Variants in PCDH15 observed in about 807,000 individuals in gnomAD.
The protein encoded by PCDH15 is protocadherin related 15.
A neutral mutation model predicts 178.5 loss-of-function variants in PCDH15; 129 were observed. That is an observed-to-expected ratio of 0.72 (90% CI 0.63 to 0.84). The LOEUF (loss-of-function observed/expected upper bound fraction) is 0.84. PCDH15 is among the 40% of genes least tolerant of loss of function. The pLI is 0.00. For synonymous variants in PCDH15, 800 were observed against 732.0 expected, an observed-to-expected ratio of 1.09 and a Z score of -1.50; for missense variants, 2,230 against 2,099.9, an observed-to-expected ratio of 1.06 and a Z score of -1.21.
chr10:54,795,807 G>C (rs1951893082), intron 1 of PCDH15, among the ~76,000 whole-genome samples: 1 of 151,632 alleles, frequency 6.6e-6, no homozygotes, highest in Non-Finnish European at 1.5e-5. Flanking sequence ...CTTGACCTCT[G>C]ATGCCTTGAC....
intron 13 of PCDH15, among the ~76,000 whole-genome samples, chr10:54,165,238 T>C (rs1011567669): frequency 6.6e-6 from 1 of 152,142 alleles, no homozygotes; most frequent in African/African-American, 2.4e-5. Flanking sequence ...ACGCATATCC[T>C]AGAATAATCC....
chr10:55,223,651 C>A (rs1840947623), intron 1 of PCDH15, among the ~76,000 whole-genome samples: 1 of 152,032 alleles, frequency 6.6e-6, no homozygotes, highest in African/African-American at 2.4e-5. Flanking sequence ...AACTCTGCCC[C>A]CTCATTAAAT....
intron 2 of PCDH15, among the ~76,000 whole-genome samples, chr10:55,372,348 G>T (rs1404016800): frequency 6.6e-6 from 1 of 152,008 alleles, no homozygotes; most frequent in Non-Finnish European, 1.5e-5. Context: ...CTTAGTTTTT[G>T]CATAGGAGAA....
chr10:54,356,707 A>G (rs138575856), intron 5 of PCDH15, among the ~76,000 whole-genome samples: 1 of 152,146 alleles, frequency 6.6e-6, no homozygotes, highest in Non-Finnish European at 1.5e-5. Flanking sequence ...AGCAAAAACT[A>G]TCACAGTTTA....
chr10:53,910,522 G>A (rs1007938988), intron 25 of PCDH15, among the ~76,000 whole-genome samples: 3 of 152,146 alleles, frequency 2.0e-5, no homozygotes, highest in African/African-American at 7.2e-5. Context: ...CATCATCAAA[G>A]ACCAAAGGTA....
chr10:55,506,738 A>G (rs1377172210), intron 2 of PCDH15, among the ~76,000 whole-genome samples: 1 of 151,632 alleles, frequency 6.6e-6, no homozygotes, highest in Non-Finnish European at 1.5e-5. Context: ...ATGTGCATAT[A>G]CAGAATATAA....
chr10:54,039,419 C>A (rs559809593), intron 18 of PCDH15, among the ~76,000 whole-genome samples: 1 of 152,002 alleles, frequency 6.6e-6, no homozygotes, highest in South Asian at 2.1e-4. Flanking sequence ...CATTACATAG[C>A]CCCTCAGACT....
At chr10:54,135,258 C>CATGT in intron 14 of PCDH15, among the ~76,000 whole-genome samples, 1 of 151,670 alleles carries the variant, frequency 6.6e-6, no homozygotes, top group Admixed American at 6.6e-5. Context: ...CTAAAGTAAT[C>CATGT]TCACTTTAAA....
At chr10:54,046,384 G>A (rs1270436101) in intron 18 of PCDH15, among the ~76,000 whole-genome samples, 1 of 152,200 alleles carries the variant, frequency 6.6e-6, no homozygotes, top group Non-Finnish European at 1.5e-5. Flanking sequence ...AAACTGGAGA[G>A]CTCTCAAACA....
chr10:53,861,494 T>A (rs756032157), intron 27 of PCDH15, among the ~76,000 whole-genome samples: 2 of 152,150 alleles, frequency 1.3e-5, no homozygotes, highest in African/African-American at 2.4e-5. Flanking sequence ...TTCTTTTCTT[T>A]CTTCCTCTAT....
rs191713822 is a variant in PCDH15 at position 55,178,363 on chromosome 10, T to C, written c.-155-11712A>G. On this transcript the variant is annotated intron_variant, in intron 1 of 5. Coordinates refer to the PCDH15 transcript ENST00000458638. The stretch of plus-strand genomic sequence containing the variant: ...AAACTTCAATATTCTTCTGAGGAAA[T>C]AGAATGGGCCACCTCTTGGGAATAC... Among the ~76,000 whole-genome samples, 3 of 152,182 alleles carry C rather than the reference T, an allele frequency of 2.0e-5. No homozygotes were observed. The East Asian group carries it at 5.8e-4, about 30-fold the overall frequency.
At chr10:54,658,011 A>G (rs1224535509) in intron 2 of PCDH15, among the ~76,000 whole-genome samples, 2 of 152,202 alleles carry the variant, frequency 1.3e-5, no homozygotes, top group Non-Finnish European at 1.5e-5. Context: ...ATTTCAAAAC[A>G]TAGTTGAAAG....
intron 2 of PCDH15, among the ~76,000 whole-genome samples, chr10:54,903,470 T>A (rs188456514): frequency 2.0e-5 from 3 of 152,210 alleles, no homozygotes; most frequent in East Asian, 3.9e-4. Context: ...CCCATTAGAA[T>A]GTTCCCCTGT....
intron 2 of PCDH15, among the ~76,000 whole-genome samples, chr10:55,147,047 T>G (rs928589820): frequency 6.6e-6 from 1 of 151,696 alleles, no homozygotes; most frequent in Non-Finnish European, 1.5e-5. Flanking sequence ...CAATTACCAA[T>G]TGAGCAATTT....
At chr10:54,977,446 C>T (rs1047204103) in intron 2 of PCDH15, among the ~76,000 whole-genome samples, 3 of 152,144 alleles carry the variant, frequency 2.0e-5, no homozygotes, top group Non-Finnish European at 4.4e-5. Context: ...AAAGACACTC[C>T]TATCAGTGCC....
intron 2 of PCDH15, among the ~76,000 whole-genome samples, chr10:54,569,012 T>A (rs1344326038): frequency 6.6e-6 from 1 of 151,928 alleles, no homozygotes; most frequent in African/African-American, 2.4e-5. Context: ...CTATAAAAAT[T>A]GCTCTAATAT....
chr10:54,907,134 T>A (rs1954738251), intron 2 of PCDH15, among the ~76,000 whole-genome samples: 1 of 152,142 alleles, frequency 6.6e-6, no homozygotes, highest in Non-Finnish European at 1.5e-5. Context: ...GGTAGGTCAT[T>A]GATGACTCAG....
intron 14 of PCDH15, 31 bp from the exon 15 acceptor site, chr10:54,133,038 T>C: frequency 6.2e-7 from 1 of 1,613,696 alleles, no homozygotes; most frequent in Non-Finnish European, 8.5e-7. Context: ...AGAAGATGGT[T>C]ACGAATCTGC....
chr10:55,061,753 G>A (rs1271009412), intron 2 of PCDH15, among the ~76,000 whole-genome samples: 1 of 152,196 alleles, frequency 6.6e-6, no homozygotes. Context: ...AGATGCGGTG[G>A]CTTACGCCTG....
Sources: allele counts gnomAD v4.1 joint callset (sites outside exome capture counted in the v4.1 genomes callset), GRCh38; gene constraint gnomAD v4.1.1; transcripts MANE v1.5; gene names NCBI Gene and HGNC (gene_info 2026-07-23, HGNC 2026-07-21).